The following DLGAP2 variants were observed in gnomAD, a reference collection of about 807,000 sequenced individuals.
DLGAP2 encodes DLG associated protein 2, also known as disks large-associated protein 2.
In DLGAP2, 26 loss-of-function variants were observed where a neutral mutation model predicts 100.3. That is an observed-to-expected ratio of 0.26 (90% CI 0.19 to 0.36). The LOEUF is 0.36. Ranked by LOEUF, DLGAP2 falls within the 10% of genes least tolerant of loss-of-function variation. The pLI, the probability that DLGAP2 is intolerant of heterozygous loss-of-function variation, is 1.00. For missense variants in DLGAP2, 1,858 were observed against 1,453.2 expected (o/e 1.28, Z -4.53); for synonymous variants, 886 against 630.1 (o/e 1.41, Z -6.08).
intron 2 of DLGAP2, among the ~76,000 whole-genome samples, chr8:1,243,419 G>T (rs1349638526): frequency 6.6e-6 from 1 of 152,182 alleles, no homozygotes; most frequent in African/African-American, 2.4e-5. Context: ...CAGCTGCCTG[G>T]CCTGCACCCT....
chr8:1,134,884 ATCCAATCCCC>A, intron 2 of DLGAP2, among the ~76,000 whole-genome samples: 1 of 152,238 alleles, frequency 6.6e-6, no homozygotes, highest in Middle Eastern at 3.4e-3. Flanking sequence ...TCCCTCCGTG[ATCCAATCCCC>A]TCCCGCCAGG....
chr8:1,155,786 G>A (rs571655255), intron 2 of DLGAP2, among the ~76,000 whole-genome samples: 4 of 152,314 alleles, frequency 2.6e-5, no homozygotes, highest in Admixed American at 2.6e-4. Context: ...GCCCCGGTTC[G>A]GGGGCAGGTG....
chr8:1,087,183 A>G (rs1804001694), intron 2 of DLGAP2, among the ~76,000 whole-genome samples: 2 of 152,240 alleles, frequency 1.3e-5, no homozygotes, highest in African/African-American at 4.8e-5. Context: ...ATAAACAAAA[A>G]TGGAAACATC....
At chr8:1,269,525 C>G (rs1214104076) in intron 3 of DLGAP2, among the ~76,000 whole-genome samples, 1 of 152,198 alleles carries the variant, frequency 6.6e-6, no homozygotes, top group Non-Finnish European at 1.5e-5. Context: ...GTAAGACCCC[C>G]TCAACCCTGA....
intron 4 of DLGAP2, among the ~76,000 whole-genome samples, chr8:1,540,732 A>G (rs901738441): frequency 6.6e-6 from 1 of 152,238 alleles, no homozygotes; most frequent in African/African-American, 2.4e-5. Flanking sequence ...GGCCGTGACC[A>G]GCAGTGCTTC....
At chr8:1,022,144 C>T (rs1377571539) in intron 2 of DLGAP2, among the ~76,000 whole-genome samples, 2 of 152,174 alleles carry the variant, frequency 1.3e-5, no homozygotes, top group Non-Finnish European at 2.9e-5. Flanking sequence ...GAGCCACACA[C>T]CCATCCTCCC....
At chr8:908,635 G>A (rs897232333) in intron 2 of DLGAP2, among the ~76,000 whole-genome samples, 2 of 152,216 alleles carry the variant, frequency 1.3e-5, no homozygotes, top group Non-Finnish European at 1.5e-5. Context: ...GTCAGGGCTT[G>A]TTATCCTGTG....
chr8:1,557,569 G>A (rs558058403), intron 5 of DLGAP2, among the ~76,000 whole-genome samples: 4 of 152,224 alleles, frequency 2.6e-5, no homozygotes, highest in East Asian at 3.9e-4. Flanking sequence ...CCTTCATGCC[G>A]CCAGCCTGGG....
At chr8:1,647,923 T>C (rs542427541) in intron 8 of DLGAP2, among the ~76,000 whole-genome samples, 11 of 152,218 alleles carry the variant, frequency 7.2e-5, no homozygotes, top group African/African-American at 2.6e-4. Context: ...CGTAAGGAAG[T>C]TCCCTAGGAT....
At chr8:1,146,314 C>T (rs1454634825) in intron 2 of DLGAP2, among the ~76,000 whole-genome samples, 1 of 152,232 alleles carries the variant, frequency 6.6e-6, no homozygotes, top group East Asian at 1.9e-4. Flanking sequence ...GTCCCGTGCT[C>T]ATTTTCCTAG....
intron 6 of DLGAP2, among the ~76,000 whole-genome samples, chr8:1,595,506 A>G (rs1424151705): frequency 6.7e-6 from 1 of 149,686 alleles, no homozygotes; most frequent in Non-Finnish European, 1.5e-5. Flanking sequence ...TACTAAAAAT[A>G]CAAAAAAAAA....
At chr8:1,133,831 G>A (rs920964211) in intron 2 of DLGAP2, among the ~76,000 whole-genome samples, 7 of 151,970 alleles carry the variant, frequency 4.6e-5, no homozygotes, top group South Asian at 2.1e-4. Flanking sequence ...CATAAAATCC[G>A]TATTGGGAAT....
At chr8:994,832 C>G (rs995181359) in intron 2 of DLGAP2, among the ~76,000 whole-genome samples, 2 of 152,148 alleles carry the variant, frequency 1.3e-5, no homozygotes, top group Admixed American at 6.5e-5. Context: ...GACGAAGAGT[C>G]ATTCAGCTCC....
intron 2 of DLGAP2, among the ~76,000 whole-genome samples, chr8:1,051,724 C>G (rs1802718590): frequency 6.6e-6 from 1 of 152,100 alleles, no homozygotes; most frequent in African/African-American, 2.4e-5. Flanking sequence ...GCAGATCCCG[C>G]CACGCTCAGC....
At chr8:965,262 C>G (rs570385898) in intron 2 of DLGAP2, among the ~76,000 whole-genome samples, 1 of 142,808 alleles carries the variant, frequency 7.0e-6, no homozygotes, top group Admixed American at 6.9e-5. Flanking sequence ...GCTCCTGAGC[C>G]CAACCCCCGC....
At chr8:1,275,074 G>C (rs1028787284) in intron 3 of DLGAP2, among the ~76,000 whole-genome samples, 3 of 152,136 alleles carry the variant, frequency 2.0e-5, no homozygotes, top group African/African-American at 7.2e-5. Context: ...CTCCAGCCCA[G>C]GCAGAGAGGA....
chr8:1,697,622 G>A (rs1405685707), intron 14 of DLGAP2, among the ~76,000 whole-genome samples: 1 of 152,054 alleles, frequency 6.6e-6, no homozygotes, highest in Non-Finnish European at 1.5e-5. Flanking sequence ...TCCTGACAGG[G>A]GTCTCACCTA....
At chr8:1,647,978 C>G (rs777301631) in intron 8 of DLGAP2, among the ~76,000 whole-genome samples, 2 of 152,142 alleles carry the variant, frequency 1.3e-5, no homozygotes, top group Non-Finnish European at 2.9e-5. Flanking sequence ...CCAGACAATC[C>G]ACAAACCCAC....
chr8:1,558,204 T>A (rs76743771), intron 5 of DLGAP2, among the ~76,000 whole-genome samples: 1 of 152,290 alleles, frequency 6.6e-6, no homozygotes, highest in East Asian at 1.9e-4. Context: ...GTGGCTCCCA[T>A]TCCAAGCATG....
Sources: allele counts gnomAD v4.1 joint callset (sites outside exome capture counted in the v4.1 genomes callset), GRCh38; gene constraint gnomAD v4.1.1; transcripts MANE v1.5; gene names NCBI Gene and HGNC (gene_info 2026-07-23, HGNC 2026-07-21).